The following VPS13A variants were observed in gnomAD, a reference collection of about 807,000 sequenced individuals.
VPS13A encodes the protein intermembrane lipid transfer protein VPS13A.
A neutral mutation model predicts 390.9 loss-of-function variants in VPS13A; 264 were observed. That is an observed-to-expected ratio of 0.68 (90% CI 0.61 to 0.75). VPS13A has a LOEUF of 0.75. Among genes scored for constraint, VPS13A ranks in the 30% least tolerant of loss-of-function variants. The pLI is 0.00. For missense variants in VPS13A, 3,409 were observed against 3,733.9 expected (o/e 0.91, Z 2.27); for synonymous variants, 1,231 against 1,227.1 (o/e 1.00, Z -0.07).
At chr9:77,224,135 A>AT (rs1021176313) in intron 13 of VPS13A, among the ~76,000 whole-genome samples, 3 of 152,118 alleles carry the variant, frequency 2.0e-5, no homozygotes. Context: ...GTAAAAAAAG[A>AT]TTTTTTTCAA....
chr9:77,220,940 C>G (rs1823175700), intron 12 of VPS13A, among the ~76,000 whole-genome samples: 1 of 151,932 alleles, frequency 6.6e-6, no homozygotes, highest in East Asian at 1.9e-4. Flanking sequence ...CTTAACAGTT[C>G]TTGTGTAGAA....
At position 77,345,274 on chromosome 9, in the gene VPS13A, A is replaced by G. The variant is rs966240229; in HGVS notation, c.7289+132A>G. On this transcript the variant is annotated intron_variant, in intron 52 of 71. Transcript: ENST00000360280. ...TAGCTGTGTAAAACAGTGTTCCATT[A>G]AAAAATGTACTTGAAGCATGTAGGG... 3.4e-4 allele frequency: 353 copies of G among 1,031,834 alleles called. 3 individuals carry two copies. The East Asian group carries it at 7.9e-3, about 23-fold the overall frequency. 63.9% of individuals were successfully genotyped at this position (1,031,834 alleles called of 1,614,324 possible).
At chr9:77,187,345 A>G (rs769801993) in intron 1 of VPS13A, among the ~76,000 whole-genome samples, 2 of 152,188 alleles carry the variant, frequency 1.3e-5, no homozygotes, top group Non-Finnish European at 2.9e-5. Flanking sequence ...TTACATTCCT[A>G]CCAACAGTGT....
intron 33 of VPS13A, among the ~76,000 whole-genome samples, chr9:77,298,068 T>A (rs1828119016): frequency 6.6e-6 from 1 of 152,110 alleles, no homozygotes; most frequent in South Asian, 2.1e-4. Flanking sequence ...AATCAGCGTT[T>A]GATGATGATA....
intron 44 of VPS13A, 23 bp from the exon 45 acceptor site, chr9:77,323,044 T>C: frequency 6.4e-7 from 1 of 1,572,796 alleles, no homozygotes; most frequent in Non-Finnish European, 8.7e-7. Flanking sequence ...ATAAAAACTT[T>C]TAAACATACT....
At chr9:77,337,667 AG>A in intron 47 of VPS13A, 130 bp downstream of exon 47, 1 of 901,750 alleles carries the variant, frequency 1.1e-6, no homozygotes, top group Non-Finnish European at 1.6e-6. Flanking sequence ...TAGGTAATGC[AG>A]ATATTCTTTT....
intron 3 of VPS13A, among the ~76,000 whole-genome samples, 160 bp from the exon 4 acceptor site, chr9:77,205,151 TTG>T (rs1323004274): frequency 6.6e-6 from 1 of 152,166 alleles, no homozygotes; most frequent in Non-Finnish European, 1.5e-5. Context: ...CAAACACTTG[TTG>T]TTTGTAGTTG....
Position 77,407,518 on chromosome 9 carries a change from A to G in VPS13A, c.9400-15A>G, listed in dbSNP as rs117688596. ...CAGATTATCTTTTTAATGAATTTAC[A>G]TATTCTGTTTATAGGAACGAGTGAA... On this transcript the variant is annotated splice_polypyrimidine_tract_variant and intron_variant, in intron 70 of 71. Transcript: ENST00000360280. The G allele has an allele frequency of 6.0e-5, 96 of 1,601,504 alleles. No homozygotes were observed. In the Admixed American group the frequency reaches 1.4e-3, roughly 23 times the overall value.
At chr9:77,177,852 C>T in intron 1 of VPS13A, 48 bp downstream of exon 1, 4 of 1,544,894 alleles carry the variant, frequency 2.6e-6, no homozygotes, top group South Asian at 1.1e-5. Flanking sequence ...GCTTCCCGGC[C>T]GTCTCGCTGC....
chr9:77,406,604 A>G (rs1461272759), intron 70 of VPS13A, among the ~76,000 whole-genome samples: 2 of 152,020 alleles, frequency 1.3e-5, no homozygotes, highest in Non-Finnish European at 2.9e-5. Flanking sequence ...TTTAGTACAG[A>G]CGGTGTTTCA....
intron 24 of VPS13A, among the ~76,000 whole-genome samples, chr9:77,275,167 C>G (rs1343174320): frequency 6.6e-6 from 1 of 152,006 alleles, no homozygotes; most frequent in Non-Finnish European, 1.5e-5. Context: ...GTATAATCAT[C>G]GGCATTGGCA....
intron 23 of VPS13A, among the ~76,000 whole-genome samples, chr9:77,266,277 G>C (rs974021047): frequency 6.6e-6 from 1 of 152,126 alleles, no homozygotes; most frequent in African/African-American, 2.4e-5. Context: ...TGTTGATTTG[G>C]GGGTGGAGAG....
chr9:77,407,066 C>A lies in VPS13A; in HGVS notation c.9400-467C>A, dbSNP rs927581347. 5.9e-5 allele frequency among the ~76,000 whole-genome samples: 9 copies of A among 152,142 alleles called. 1 individual carries two copies. On this transcript the variant is annotated intron_variant, in intron 70 of 71. Coordinates refer to ENST00000360280, the MANE Select transcript of VPS13A (RefSeq NM_033305.3). The stretch of plus-strand genomic sequence containing the variant: ...TTACTGTATGACTGGTTTAAAATGG[C>A]AGAAGTACATACATGCACGCACACA...
At chr9:77,282,660 G>A (rs1284436536) in intron 29 of VPS13A, among the ~76,000 whole-genome samples, 2 of 152,048 alleles carry the variant, frequency 1.3e-5, no homozygotes, top group East Asian at 1.9e-4. Context: ...AGCTGGGTGC[G>A]GTGGCTTATG....
intron 14 of VPS13A, 91 bp from the exon 15 acceptor site, chr9:77,226,375 A>C (rs571995597): frequency 5.7e-6 from 7 of 1,220,956 alleles, no homozygotes; most frequent in Middle Eastern, 2.7e-4. Context: ...TTTGCTCAAG[A>C]GGATAAGTTC....
intron 29 of VPS13A, 114 bp downstream of exon 29, chr9:77,282,388 C>T: frequency 1.0e-6 from 1 of 1,004,410 alleles, no homozygotes; most frequent in Admixed American, 2.6e-5. Flanking sequence ...AATTCTGTTG[C>T]CTAGGTTAAT....
chr9:77,186,465 T>G (rs1272658771), intron 1 of VPS13A, among the ~76,000 whole-genome samples: 1 of 152,118 alleles, frequency 6.6e-6, no homozygotes, highest in East Asian at 1.9e-4. Context: ...TGAGATGGAG[T>G]CCTGCTGTGT....
At chr9:77,208,475 A>G (rs981226154) in intron 5 of VPS13A, among the ~76,000 whole-genome samples, 5 of 152,132 alleles carry the variant, frequency 3.3e-5, no homozygotes, top group Non-Finnish European at 7.3e-5. Flanking sequence ...GGGGAGAAAA[A>G]GGATAATAAC....
At chr9:77,412,539 C>T (rs1393949157) in intron 71 of VPS13A, among the ~76,000 whole-genome samples, 1 of 152,176 alleles carries the variant, frequency 6.6e-6, no homozygotes, top group East Asian at 1.9e-4. Context: ...TGACGAAATT[C>T]AACAACCCTT....
Sources: allele counts gnomAD v4.1 joint callset (sites outside exome capture counted in the v4.1 genomes callset), GRCh38; gene constraint gnomAD v4.1.1; transcripts MANE v1.5; gene names NCBI Gene and HGNC (gene_info 2026-07-23, HGNC 2026-07-21).